AGAP1: variants seen among roughly 807,000 people sequenced by gnomAD.
AGAP1 encodes the protein arf-GAP with GTPase, ANK repeat and PH domain-containing protein 1.
A neutral mutation model predicts 105.3 loss-of-function variants in AGAP1; 29 were observed. The observed-to-expected ratio is 0.28, with a 90% CI of 0.21 to 0.38. AGAP1 has a LOEUF of 0.38. Among genes scored for constraint, AGAP1 ranks in the 10% least tolerant of loss-of-function variants. The pLI is 1.00. For missense variants in AGAP1, 998 were observed against 1,165.1 expected (o/e 0.86, Z 2.09); for synonymous variants, 509 against 485.9 (o/e 1.05, Z -0.63).
rs930202632 is a variant in AGAP1 at position 235,733,191 on chromosome 2, G to A, written c.311-7772G>A. Among the ~76,000 whole-genome samples, 20 of 152,190 alleles carry A rather than the reference G, an allele frequency of 1.3e-4. No individual in the cohort carries two copies. The highest frequency in any genetic ancestry group is 4.1e-4 in the South Asian group (2 of 4,830). On this transcript the variant is annotated intron_variant, in intron 3 of 17. Coordinates refer to ENST00000304032, the MANE Select transcript of AGAP1 (RefSeq NM_001037131.3). The surrounding 1 kb of genome is among the most constrained non-coding windows in gnomAD (Gnocchi z 5.0). The stretch of plus-strand genomic sequence containing the variant: ...TGTTCCCCTTGAGGTGCCCCCCTGC[G>A]TGGGTCACTTCTCCCGCTCACCAGG...
rs371877970 is a variant in AGAP1 at position 235,735,165 on chromosome 2, G to A, written c.311-5798G>A. Among the ~76,000 whole-genome samples, 73 of 152,350 alleles carry A rather than the reference G, an allele frequency of 4.8e-4. 1 individual carries two copies. In the South Asian group the frequency reaches 0.015, roughly 31 times the overall value. On this transcript the variant is annotated intron_variant, in intron 3 of 17. Coordinates refer to ENST00000304032, the MANE Select transcript of AGAP1 (RefSeq NM_001037131.3). ...AAACAAGTGCTTTGTAGACGATGGC[G>A]TTGGAAGGCACACTGTCGTTGCCAT...
In AGAP1 at chr2:236,036,664, C is replaced by T. The variant is rs781070427; in HGVS notation, c.1749C>T (p.Ile583=). 5.3e-5 allele frequency: 85 copies of T among 1,614,194 alleles called. 2 individuals are homozygous for T. Among genetic ancestry groups the T allele is most frequent in the South Asian group, 3.5e-4 (32 of 91,088 alleles). The change falls in exon 14 of 18, where the codon ATC becomes ATT. Residue 583 remains isoleucine (I), a synonymous_variant. Coordinates refer to ENST00000304032, the MANE Select transcript of AGAP1 (RefSeq NM_001037131.3). This position sits in a 1 kb window ranked among gnomAD's most constrained non-coding sequence, Gnocchi z 5.7. The part of the protein sequence containing the change: ...YEERDAWVQA[I]ESQILASLQS... ...AGCGGGACGCCTGGGTCCAAGCCAT[C>T]GAGAGCCAGATCCTGGCCAGCCTGC...
At position 235,719,163 on chromosome 2, in the gene AGAP1, G is replaced by A. The variant is rs1446151292; in HGVS notation, c.310+1519G>A. ...GGATTTCAAGCTGGGACCACAGGAA[G>A]TTACATGAGTCGGGCCTGGTTTTGT... On this transcript the variant is annotated intron_variant, in intron 3 of 17. Transcript: ENST00000304032. This position sits in a 1 kb window ranked among gnomAD's most constrained non-coding sequence, Gnocchi z 4.9. Among the ~76,000 whole-genome samples the A allele has an allele frequency of 6.6e-6, 1 of 152,186 alleles. No homozygotes were observed. Among genetic ancestry groups the A allele is most frequent in the Non-Finnish European group, 1.5e-5 (1 of 68,026 alleles).
intron 11 of AGAP1, among the ~76,000 whole-genome samples, chr2:235,922,366 C>T (rs1277221548): frequency 6.6e-6 from 1 of 152,092 alleles, no homozygotes; most frequent in Admixed American, 6.5e-5. Context: ...TTGGCTTTTT[C>T]CCCGCCCTCT....
At chr2:235,563,887 G>A (rs1361975517) in intron 1 of AGAP1, among the ~76,000 whole-genome samples, 1 of 152,114 alleles carries the variant, frequency 6.6e-6, no homozygotes, top group African/African-American at 2.4e-5. Flanking sequence ...GGACATTGTG[G>A]CTCCAGCAGG....
chr2:235,756,460 A>G (rs1953935769), intron 6 of AGAP1, among the ~76,000 whole-genome samples: 1 of 152,220 alleles, frequency 6.6e-6, no homozygotes, highest in Non-Finnish European at 1.5e-5. Context: ...ATAGGCAATC[A>G]GGAGTACAAC....
At chr2:235,952,919 AAG>A (rs1425715197) in intron 12 of AGAP1, among the ~76,000 whole-genome samples, 2 of 152,166 alleles carry the variant, frequency 1.3e-5, no homozygotes, top group African/African-American at 4.8e-5. Context: ...GGGCGGCTCC[AAG>A]AGCCAGAGTA....
rs978105105 is a variant in AGAP1, at chr2:235,609,383, C to A, written c.164-99796C>A. ...GGGGCAGGGAGAGCTTCAGAATGAG[C>A]GGGAAGCCTCCACAACAGGTGGAGA... On this transcript the variant is annotated intron_variant, in intron 1 of 17. Transcript: ENST00000304032. The surrounding 1 kb of genome is among the most constrained non-coding windows in gnomAD (Gnocchi z 5.1). Among the ~76,000 whole-genome samples, 1 of 152,054 alleles carries A rather than the reference C, an allele frequency of 6.6e-6. No homozygotes were observed. The highest frequency in any genetic ancestry group is 2.1e-4 in the South Asian group (1 of 4,808).
rs1048078694 is a variant in AGAP1 at position 235,958,611 on chromosome 2, G to A, written c.1484-9851G>A. Reference sequence around the variant, plus strand: ...CTAATGATCGGCTGGGCAGATAATCGGAGGAGAGTTAATTGTAAGGTTCGA... The same window carrying A: ...CTAATGATCGGCTGGGCAGATAATCAGAGGAGAGTTAATTGTAAGGTTCGA... On this transcript the variant is annotated intron_variant, in intron 12 of 17. Coordinates refer to ENST00000304032, the MANE Select transcript of AGAP1 (RefSeq NM_001037131.3). The surrounding 1 kb of genome is among the most constrained non-coding windows in gnomAD (Gnocchi z 4.1). Among the ~76,000 whole-genome samples the A allele has an allele frequency of 2.5e-4, 38 of 152,162 alleles. No individual in the cohort carries two copies. The highest frequency in any genetic ancestry group is 8.8e-5 in the Non-Finnish European group (6 of 68,030).
At chr2:235,696,693 C>T (rs1012895179) in intron 1 of AGAP1, among the ~76,000 whole-genome samples, 3 of 152,118 alleles carry the variant, frequency 2.0e-5, no homozygotes, top group Non-Finnish European at 2.9e-5. Context: ...CTATCGCTGC[C>T]CCTTTCCCAT....
In AGAP1 at chr2:235,721,183, T is replaced by A. The variant is rs556265006; in HGVS notation, c.310+3539T>A. The stretch of plus-strand genomic sequence containing the variant: ...CCACCGCGCCCGGATAATTTTTGTA[T>A]TTTTGGTAGAGGCAGGGTTTCACCA... On this transcript the variant is annotated intron_variant, in intron 3 of 17. Coordinates refer to ENST00000304032, the MANE Select transcript of AGAP1 (RefSeq NM_001037131.3). This position sits in a 1 kb window ranked among gnomAD's most constrained non-coding sequence, Gnocchi z 4.5. Among the ~76,000 whole-genome samples, 79 of 152,156 alleles carry A rather than the reference T, an allele frequency of 5.2e-4. No individual in the cohort carries two copies. The highest frequency in any genetic ancestry group is 1.9e-3 in the African/African-American group (78 of 41,496).
chr2:235,629,338 T>C (rs1443583628), intron 1 of AGAP1, among the ~76,000 whole-genome samples: 1 of 149,718 alleles, frequency 6.7e-6, no homozygotes, highest in Non-Finnish European at 1.5e-5. Flanking sequence ...ACACCACAGT[T>C]TCTTTATCCA....
At position 235,835,531 on chromosome 2, in the gene AGAP1, A is replaced by G. The variant is rs895237196; in HGVS notation, c.1050+28200A>G. 3.3e-5 allele frequency among the ~76,000 whole-genome samples: 5 copies of G among 152,336 alleles called. No homozygotes were observed. The South Asian group carries it at 1.0e-3, about 32-fold the overall frequency. On this transcript the variant is annotated intron_variant, in intron 9 of 17. Transcript: ENST00000304032. ...TATTCATCTGAGGTGTAAGTTGCCCACTGCCCCACCCTGTGGGCCTCTTAG... is the reference window on the plus strand; with the variant it reads ...TATTCATCTGAGGTGTAAGTTGCCCGCTGCCCCACCCTGTGGGCCTCTTAG...
Position 236,040,735 on chromosome 2 carries a change from C to T in AGAP1, c.1801-16C>T. ...GGGTGCTTACGCCTTGTATTTGTGT[C>T]TTCCTCCGTGCCCAGTCCCGGCTGA... On this transcript the variant is annotated splice_polypyrimidine_tract_variant and intron_variant, in intron 14 of 17. Transcript: ENST00000304032. This position sits in a 1 kb window ranked among gnomAD's most constrained non-coding sequence, Gnocchi z 5.6. 6.2e-7 allele frequency: 1 copy of T among 1,612,622 alleles called. No individual in the cohort carries two copies. Among genetic ancestry groups the T allele is most frequent in the Non-Finnish European group, 8.5e-7 (1 of 1,179,922 alleles).
intron 6 of AGAP1, among the ~76,000 whole-genome samples, chr2:235,761,628 CTCTT>C (rs1575368499): frequency 1.3e-5 from 2 of 152,226 alleles, no homozygotes; most frequent in African/African-American, 2.4e-5. Flanking sequence ...CGGCATTCTG[CTCTT>C]TCTAATGTTT....
rs941678298 is a variant in AGAP1 at position 235,741,234 on chromosome 2, A to G, written c.396+186A>G. Among the ~76,000 whole-genome samples, 1 of 151,950 alleles carries G rather than the reference A, an allele frequency of 6.6e-6. No homozygotes were observed. Among genetic ancestry groups the G allele is most frequent in the African/African-American group, 2.4e-5 (1 of 41,358 alleles). The stretch of plus-strand genomic sequence containing the variant: ...CTAATTCTTTTTTTATTTTTTTCCC[A>G]GACTAAATCCTGCAGGGAAGTTGGG... On this transcript the variant is annotated intron_variant, in intron 4 of 17. Coordinates refer to ENST00000304032, the MANE Select transcript of AGAP1 (RefSeq NM_001037131.3). The surrounding 1 kb of genome is among the most constrained non-coding windows in gnomAD (Gnocchi z 4.9).
At chr2:235,718,383 A>G in intron 3 of AGAP1, 1 of 985,722 alleles carries the variant, frequency 1.0e-6, no homozygotes, top group Non-Finnish European at 1.2e-6. Flanking sequence ...CTTTGCAGAT[A>G]TGGATGCAGG....
At chr2:235,917,231 C>G (rs2051935611) in intron 11 of AGAP1, among the ~76,000 whole-genome samples, 1 of 152,018 alleles carries the variant, frequency 6.6e-6, no homozygotes, top group African/African-American at 2.4e-5. Flanking sequence ...AGGGTTGAAG[C>G]TGATTTTCCA....
In AGAP1 at chr2:235,879,092, A is replaced by G; in HGVS notation, c.1051-4253A>G. Reference sequence around the variant, plus strand: ...GTGTCCTGGCAGGAGTGAAGACGGCAGGAGAGCTGGCCCTGCCACATTCCG... The same window carrying G: ...GTGTCCTGGCAGGAGTGAAGACGGCGGGAGAGCTGGCCCTGCCACATTCCG... On this transcript the variant is annotated intron_variant, in intron 9 of 17. Transcript: ENST00000304032. This position sits in a 1 kb window ranked among gnomAD's most constrained non-coding sequence, Gnocchi z 5.0. 6.6e-6 allele frequency among the ~76,000 whole-genome samples: 1 copy of G among 152,230 alleles called. No individual in the cohort carries two copies. The highest frequency in any genetic ancestry group is 6.5e-5 in the Admixed American group (1 of 15,282).
Sources: gnomAD v4.1 joint callset for allele counts (sites outside exome capture counted in the v4.1 genomes callset) on GRCh38, gnomAD v4.1.1 for gene constraint, Gnocchi (gnomAD v3.1) non-coding constraint, MANE v1.5 for transcripts, NCBI Gene and HGNC (gene_info 2026-07-23, HGNC 2026-07-21) for gene names.